The following LAMA2 variants were observed in gnomAD, a reference collection of about 807,000 sequenced individuals.
LAMA2 encodes laminin subunit alpha-2.
A neutral mutation model predicts 364.8 loss-of-function variants in LAMA2; 269 were observed. The observed-to-expected ratio is 0.74, with a 90% confidence interval of 0.67 to 0.82. The LOEUF is 0.82. LAMA2 is among the 40% of genes least tolerant of loss of function. LAMA2 has a pLI of 0.00. For missense variants in LAMA2, 3,807 were observed against 3,873.2 expected, an observed-to-expected ratio of 0.98 and a Z score of 0.45; for synonymous variants, 1,379 against 1,370.6, an observed-to-expected ratio of 1.01 and a Z score of -0.14.
chr6:129,227,810 A>T (rs557066590), intron 12 of LAMA2, among the ~76,000 whole-genome samples: 1 of 152,180 alleles, frequency 6.6e-6, no homozygotes, highest in Non-Finnish European at 1.5e-5. Context: ...GTTCATTCTC[A>T]GATCTCAAAC....
In LAMA2 at chr6:129,090,728, A is replaced by G. The variant is rs114042302; in HGVS notation, c.397-7445A>G. Among the ~76,000 whole-genome samples the G allele has an allele frequency of 1.3e-3, 193 of 152,324 alleles. 1 individual carries two copies. The highest frequency in any genetic ancestry group is 4.5e-3 in the African/African-American group (189 of 41,582). ...AGAGAGTTACTCTGATTCAGGGTTC[A>G]TATTTTTGGCACAACCACTTTATAG... On this transcript the variant is annotated intron_variant, in intron 3 of 64. Coordinates refer to ENST00000421865, the MANE Select transcript of LAMA2 (RefSeq NM_000426.4).
chr6:129,012,808 G>A (rs147841190), intron 1 of LAMA2, among the ~76,000 whole-genome samples: 15 of 152,306 alleles, frequency 9.8e-5, no homozygotes, highest in African/African-American at 3.6e-4. Flanking sequence ...GTTTTTGCCT[G>A]TGAGATACGG....
At chr6:129,322,040 G>A (rs1051505821) in intron 28 of LAMA2, among the ~76,000 whole-genome samples, 1 of 152,148 alleles carries the variant, frequency 6.6e-6, no homozygotes, top group Non-Finnish European at 1.5e-5. Flanking sequence ...AAACTGACAT[G>A]CCATTCAGCT....
intron 3 of LAMA2, among the ~76,000 whole-genome samples, chr6:129,080,788 G>T (rs1455876487): frequency 6.6e-6 from 1 of 152,164 alleles, no homozygotes. Context: ...CTTTTACACC[G>T]TTGGCGGGAC....
intron 10 of LAMA2, among the ~76,000 whole-genome samples, chr6:129,187,976 T>C (rs1781324831): frequency 6.6e-6 from 1 of 151,920 alleles, no homozygotes; most frequent in African/African-American, 2.4e-5. Context: ...ATTCTATCTA[T>C]GTCCACAAGT....
chr6:129,201,304 G>A (rs1226885938), intron 12 of LAMA2, among the ~76,000 whole-genome samples: 12 of 152,174 alleles, frequency 7.9e-5, no homozygotes, highest in Admixed American at 7.9e-4. Flanking sequence ...AAGGCAGCTA[G>A]CATTTGTGAG....
intron 4 of LAMA2, among the ~76,000 whole-genome samples, chr6:129,137,625 G>A (rs1263325714): frequency 1.3e-5 from 2 of 151,868 alleles, no homozygotes; most frequent in Non-Finnish European, 2.9e-5. Context: ...TAAAAATATA[G>A]GTAAAATACA....
chr6:129,150,251 T>C (rs1778713177), intron 7 of LAMA2, among the ~76,000 whole-genome samples: 1 of 152,198 alleles, frequency 6.6e-6, no homozygotes, highest in Non-Finnish European at 1.5e-5. Flanking sequence ...CTTCCAGCCA[T>C]GTTCTGGCTA....
intron 12 of LAMA2, among the ~76,000 whole-genome samples, chr6:129,228,649 A>G (rs1324910017): frequency 6.6e-6 from 1 of 152,194 alleles, no homozygotes; most frequent in Admixed American, 6.5e-5. Context: ...GAGCATATAT[A>G]CCCTGAAGGC....
intron 38 of LAMA2, among the ~76,000 whole-genome samples, chr6:129,401,701 TA>T (rs1779982880): frequency 6.6e-6 from 1 of 152,248 alleles, no homozygotes; most frequent in Non-Finnish European, 1.5e-5. Flanking sequence ...ATGTAATGTC[TA>T]ATGCATTACA....
At chr6:129,320,700 G>T in intron 28 of LAMA2, 45 bp downstream of exon 28, 1 of 1,016,840 alleles carries the variant, frequency 9.8e-7, no homozygotes, top group South Asian at 1.3e-5. Flanking sequence ...GTCACTTCAG[G>T]AGCTAAATGG....
At chr6:129,004,925 C>T (rs1021823092) in intron 1 of LAMA2, among the ~76,000 whole-genome samples, 3 of 151,962 alleles carry the variant, frequency 2.0e-5, no homozygotes, top group Non-Finnish European at 4.4e-5. Context: ...ATCTTGATTT[C>T]AATTTATGCA....
chr6:128,927,727 A>T (rs933945871), intron 1 of LAMA2, among the ~76,000 whole-genome samples: 13 of 152,070 alleles, frequency 8.5e-5, no homozygotes, highest in African/African-American at 3.1e-4. Flanking sequence ...TTACTATATC[A>T]GTGAGCAAGG....
At chr6:129,011,944 TG>T (rs1422326953) in intron 1 of LAMA2, among the ~76,000 whole-genome samples, 4 of 152,316 alleles carry the variant, frequency 2.6e-5, no homozygotes, top group African/African-American at 9.6e-5. Flanking sequence ...AGGGGTTTAA[TG>T]TTGTTAAATA....
At chr6:129,256,604 A>G (rs1786684694) in intron 14 of LAMA2, among the ~76,000 whole-genome samples, 1 of 151,870 alleles carries the variant, frequency 6.6e-6, no homozygotes, top group Non-Finnish European at 1.5e-5. Context: ...GGTAGAACTA[A>G]GAAGGAAGCA....
chr6:129,239,739 C>T (rs1785262233), intron 12 of LAMA2, among the ~76,000 whole-genome samples: 1 of 152,118 alleles, frequency 6.6e-6, no homozygotes, highest in Non-Finnish European at 1.5e-5. Flanking sequence ...TGGTCTCAAA[C>T]CCCTGGGCTC....
chr6:129,256,494 A>G (rs902530529), intron 14 of LAMA2, among the ~76,000 whole-genome samples: 9 of 152,034 alleles, frequency 5.9e-5, no homozygotes, highest in Non-Finnish European at 1.3e-4. Flanking sequence ...GAAGACAGAT[A>G]TACATATACA....
intron 19 of LAMA2, 42 bp downstream of exon 19, chr6:129,288,100 T>C: frequency 6.5e-7 from 1 of 1,529,040 alleles, no homozygotes; most frequent in Non-Finnish European, 9.1e-7. Flanking sequence ...AATTGATGTA[T>C]TGTACCTCAA....
At chr6:129,039,283 A>T (rs1562177673) in intron 1 of LAMA2, among the ~76,000 whole-genome samples, 1 of 152,220 alleles carries the variant, frequency 6.6e-6, no homozygotes, top group Non-Finnish European at 1.5e-5. Context: ...TGCAACAAAA[A>T]GGGAGAACAT....
Sources: gnomAD v4.1 joint callset for allele counts (sites outside exome capture counted in the v4.1 genomes callset) on GRCh38, gnomAD v4.1.1 for gene constraint, MANE v1.5 for transcripts, NCBI Gene and HGNC (gene_info 2026-07-23, HGNC 2026-07-21) for gene names.